The following LY96 variants were observed in gnomAD, a reference collection of about 807,000 sequenced individuals.
LY96 encodes the protein myeloid differentiation protein-2.
In LY96, 18 loss-of-function variants were observed where a neutral mutation model predicts 18.9. The ratio of observed to expected loss-of-function variants is 0.95; its 90% confidence interval spans 0.66 to 1.41. The LOEUF (loss-of-function observed/expected upper bound fraction) is 1.41, where lower values mean the gene tolerates loss of function less well. LY96 is among the 40% of genes most tolerant of loss of function. The pLI, the probability that LY96 is intolerant of heterozygous loss-of-function variation, is 0.00. For synonymous variants in LY96, 66 were observed against 62.6 expected (o/e 1.06, Z -0.26); for missense variants, 175 against 182.4 (o/e 0.96, Z 0.23).
chr8:74,035,181 C>T, the LY96 span, among the ~76,000 whole-genome samples: 2 of 152,126 alleles, frequency 1.3e-5, no homozygotes, highest in African/African-American at 2.4e-5. Flanking sequence ...GTTTTGTAAC[C>T]TTCCCTTTGG....
intron 2 of LY96, 124 bp downstream of exon 2, chr8:74,005,009 T>C (rs1394832120): frequency 9.7e-7 from 1 of 1,026,758 alleles, no homozygotes; most frequent in Non-Finnish European, 1.5e-6. Context: ...TACCACGATC[T>C]TTGTGGCTTA....
chr8:74,086,068 A>G, the LY96 span, among the ~76,000 whole-genome samples: 1 of 151,924 alleles, frequency 6.6e-6, no homozygotes, highest in Non-Finnish European at 1.5e-5. Context: ...CCTGGCAACC[A>G]ATATTCTATC....
chr8:74,018,491 A>G (rs1213366189), intron 3 of LY96, among the ~76,000 whole-genome samples: 1 of 152,342 alleles, frequency 6.6e-6, no homozygotes, highest in Non-Finnish European at 1.5e-5. Flanking sequence ...TTAACACCCC[A>G]CTGTCAATAT....
chr8:74,097,061 G>A, the LY96 span, among the ~76,000 whole-genome samples: 1 of 152,152 alleles, frequency 6.6e-6, no homozygotes, highest in Non-Finnish European at 1.5e-5. Flanking sequence ...TGATATTTTT[G>A]CTTAACATTA....
chr8:74,046,810 C>T, the LY96 span, among the ~76,000 whole-genome samples: 3 of 152,058 alleles, frequency 2.0e-5, no homozygotes, highest in East Asian at 5.8e-4. Flanking sequence ...CTTCTTTTTC[C>T]TACATGAATG....
At chr8:74,010,802 G>C (rs1030582998) in intron 3 of LY96, among the ~76,000 whole-genome samples, 2 of 151,956 alleles carry the variant, frequency 1.3e-5, no homozygotes, top group Middle Eastern at 3.4e-3. Flanking sequence ...TGTGTCCATG[G>C]TCATTTGGAG....
chr8:74,047,900 T>C, the LY96 span, among the ~76,000 whole-genome samples: 1 of 148,192 alleles, frequency 6.7e-6, no homozygotes, highest in Non-Finnish European at 1.5e-5. Flanking sequence ...TTTTATTTTA[T>C]TTTTTAATGA....
At chr8:74,086,424 T>C in the LY96 span, among the ~76,000 whole-genome samples, 1 of 152,232 alleles carries the variant, frequency 6.6e-6, no homozygotes, top group African/African-American at 2.4e-5. Context: ...GAAGACTACA[T>C]GGAGGCCTGT....
chr8:74,050,661 A>G, the LY96 span, among the ~76,000 whole-genome samples: 1 of 152,208 alleles, frequency 6.6e-6, no homozygotes, highest in Admixed American at 6.5e-5. Context: ...AAATGAAATT[A>G]TAGCACTATT....
At chr8:74,034,957 C>G in the LY96 span, among the ~76,000 whole-genome samples, 1 of 152,114 alleles carries the variant, frequency 6.6e-6, no homozygotes, top group African/African-American at 2.4e-5. Context: ...TTTCTAATTC[C>G]CGTAGAATTA....
chr8:74,050,354 A>C, the LY96 span, among the ~76,000 whole-genome samples: 1 of 152,076 alleles, frequency 6.6e-6, no homozygotes, highest in Non-Finnish European at 1.5e-5. Context: ...ATTAAAAAAA[A>C]AGTTAAAATA....
chr8:74,011,309 G>C (rs1354216922), intron 3 of LY96, among the ~76,000 whole-genome samples: 1 of 152,128 alleles, frequency 6.6e-6, no homozygotes, highest in South Asian at 2.1e-4. Flanking sequence ...AGATTCTTCT[G>C]GACATTGGTC....
the LY96 span, among the ~76,000 whole-genome samples, chr8:74,050,789 C>T: frequency 1.3e-5 from 2 of 152,010 alleles, no homozygotes; most frequent in African/African-American, 4.8e-5. Flanking sequence ...TTTGGGAGGC[C>T]GAGGCAGGTG....
At chr8:74,058,001 C>T in the LY96 span, among the ~76,000 whole-genome samples, 1 of 152,162 alleles carries the variant, frequency 6.6e-6, no homozygotes, top group East Asian at 1.9e-4. Context: ...TGATTACCTT[C>T]TTAGGCCTTC....
chr8:74,017,194 AG>A (rs1389658976), intron 3 of LY96, among the ~76,000 whole-genome samples: 1 of 152,234 alleles, frequency 6.6e-6, no homozygotes, highest in Non-Finnish European at 1.5e-5. Flanking sequence ...TAAACAGTGT[AG>A]AGAAGACCTT....
chr8:74,045,997 G>T, the LY96 span, among the ~76,000 whole-genome samples: 2 of 152,202 alleles, frequency 1.3e-5, no homozygotes, highest in Non-Finnish European at 2.9e-5. Context: ...TCCAGAACTA[G>T]GCTGGGCACG....
At position 73,991,531 on chromosome 8, in the gene LY96, C is replaced by T; in HGVS notation, c.89C>T (p.Ala30Val). Reference sequence around the variant, plus strand: ...TATTGGGTCTGCAACTCATCCGATGCAAGTATTTCATACACCTACTGTGGT... The same window carrying T: ...TATTGGGTCTGCAACTCATCCGATGTAAGTATTTCATACACCTACTGTGGT... ...KQYWVCNSSD[A>V]SISYTYCDKM... is the part of the protein sequence containing the mutation. The change falls in exon 1 of 5, where the codon GCA (alanine) becomes GTA (valine). Residue 30 changes from alanine (A) to valine (V), a missense_variant. Ala to Val is a moderately conservative substitution (Grantham distance 64). Transcript: ENST00000284818. 6.2e-7 allele frequency: 1 copy of T among 1,606,808 alleles called. No individual in the cohort carries two copies. Among genetic ancestry groups the T allele is most frequent in the Non-Finnish European group, 8.5e-7 (1 of 1,173,412 alleles).
chr8:74,045,027 G>A, the LY96 span, among the ~76,000 whole-genome samples: 3 of 152,390 alleles, frequency 2.0e-5, no homozygotes, highest in African/African-American at 7.2e-5. Flanking sequence ...GGGCTTCAGA[G>A]CATGACTGGG....
chr8:74,017,202 C>A (rs1816662644), intron 3 of LY96, among the ~76,000 whole-genome samples: 2 of 152,062 alleles, frequency 1.3e-5, no homozygotes, highest in Non-Finnish European at 2.9e-5. Context: ...GTAGAGAAGA[C>A]CTTAAATGAC....
Sources: gnomAD v4.1 joint callset for allele counts (sites outside exome capture counted in the v4.1 genomes callset) on GRCh38, gnomAD v4.1.1 for gene constraint, MANE v1.5 for transcripts, NCBI Gene and HGNC (gene_info 2026-07-23, HGNC 2026-07-21) for gene names.